The following FMNL1 variants were observed in gnomAD, a reference collection of about 807,000 sequenced individuals.
FMNL1 encodes the protein formin like 1.
In FMNL1, 43 loss-of-function variants were observed where a neutral mutation model predicts 121.3. That is an observed-to-expected ratio of 0.35 (90% confidence interval 0.28 to 0.46). FMNL1 has a LOEUF of 0.46. FMNL1 is among the 20% of genes least tolerant of loss of function. FMNL1 has a pLI of 1.00. For synonymous variants in FMNL1, 613 were observed against 613.5 expected (o/e 1.00, Z 0.01); for missense variants, 1,191 against 1,482.4 (o/e 0.80, Z 3.23).
chr17:45,242,361 A>G lies in FMNL1; in HGVS notation c.1906A>G (p.Ile636Val). 2.5e-6 allele frequency: 4 copies of G among 1,614,022 alleles called. No homozygotes were observed. The highest frequency in any genetic ancestry group is 3.4e-6 in the Non-Finnish European group (4 of 1,179,922). The change falls in exon 16 of 27, where the codon ATC (isoleucine) becomes GTC (valine). Residue 636 changes from isoleucine to valine, a missense_variant. Around this residue, in one of 4 missense-constraint regions of FMNL1, gnomAD observed 519 missense variants for 492.8 expected, o/e 1.05. Coordinates refer to ENST00000331495, the MANE Select transcript of FMNL1 (RefSeq NM_005892.4). ...CCCAGGAGTGAAGGCCAAGAAGCCC[A>G]TCCAGACTAAGTTCCGAATGCCACT... ...LGPGVKAKKPIQTKFRMPLLN... is the reference protein window; with the variant it reads ...LGPGVKAKKPVQTKFRMPLLN...
At chr17:45,246,135 G>C (rs781651599) in intron 24 of FMNL1, 75 bp from the exon 25 acceptor site, 1 of 1,553,318 alleles carries the variant, frequency 6.4e-7, no homozygotes, top group Non-Finnish European at 8.7e-7. Context: ...TCCTTGCTGT[G>C]GGGGACCAGG....
At chr17:45,227,680 C>T (rs997360904) in intron 1 of FMNL1, among the ~76,000 whole-genome samples, 26 of 152,174 alleles carry the variant, frequency 1.7e-4, no homozygotes, top group African/African-American at 6.3e-4. Context: ...TTCCATGGAC[C>T]CCTGCCCCTC....
chr17:45,241,931 C>T lies in FMNL1; in HGVS notation c.1670C>T (p.Ala557Val), dbSNP rs930323590. 4.3e-5 allele frequency: 59 copies of T among 1,372,600 alleles called. No homozygotes were observed. Among genetic ancestry groups the T allele is most frequent in the Non-Finnish European group, 5.2e-5 (56 of 1,072,024 alleles). 85.0% of individuals were successfully genotyped at this position (1,372,600 alleles called of 1,614,324 possible). The part of the protein sequence containing the change: ...PLPGLPSPQE[A>V]PPSAPPQAPP... Reference sequence around the variant, plus strand: ...CCCGGCCTCCCCTCCCCGCAGGAAGCCCCGCCCTCTGCGCCCCCACAGGCC... The same window carrying T: ...CCCGGCCTCCCCTCCCCGCAGGAAGTCCCGCCCTCTGCGCCCCCACAGGCC... Residue 557 changes from alanine (A) to valine (V), a missense_variant, in exon 15 of 27, where the codon GCC becomes GTC. Transcript: ENST00000331495. This position sits in a 1 kb window ranked among gnomAD's most constrained non-coding sequence, Gnocchi z 7.0.
chr17:45,245,670 C>T lies in FMNL1; in HGVS notation c.2931C>T (p.Asn977=). The T allele has an allele frequency of 6.2e-7, 1 of 1,614,134 alleles. No individual in the cohort carries two copies. The highest frequency in any genetic ancestry group is 8.5e-7 in the Non-Finnish European group (1 of 1,179,994). ...CTGTGGTGGAGTACTTCGGAGAGAA[C>T]CCCAAGACCACATCCCCAGGCCTGT... ...FESVVEYFGE[N]PKTTSPGLFF... is the part of the protein sequence containing the mutation. Residue 977 remains asparagine (N), a synonymous_variant, in exon 23 of 27, where the codon AAC becomes AAT. Transcript: ENST00000331495.
At chr17:45,234,378 G>A in intron 6 of FMNL1, 178 bp downstream of exon 6, 1 of 1,047,426 alleles carries the variant, frequency 9.5e-7, no homozygotes, top group Non-Finnish European at 1.4e-6. Flanking sequence ...AGCCATCAGG[G>A]GTGGGGCTGG....
chr17:45,240,730 T>C (rs2043670006), intron 12 of FMNL1, 105 bp downstream of exon 12: 4 of 1,446,154 alleles, frequency 2.8e-6, no homozygotes, highest in Non-Finnish European at 9.2e-7. Context: ...AGTGTTATAA[T>C]TGTGCATTGG....
At chr17:45,230,579 G>C (rs748906642) in intron 1 of FMNL1, 25 bp from the exon 2 acceptor site, 4 of 1,612,698 alleles carry the variant, frequency 2.5e-6, no homozygotes, top group Non-Finnish European at 3.4e-6. Flanking sequence ...CCAGGCTCAG[G>C]GGTCTTTGTC....
rs1344412017 is a variant in FMNL1 at position 45,233,800 on chromosome 17, C to A, written c.485+69C>A. On this transcript the variant is annotated intron_variant, in intron 5 of 26. Coordinates refer to ENST00000331495, the MANE Select transcript of FMNL1 (RefSeq NM_005892.4). The surrounding 1 kb of genome is among the most constrained non-coding windows in gnomAD (Gnocchi z 4.1). ...TGATCCCCGTCTCCCTGCATCTCACCCACTCCCCTGGCCAGTTTCAAGCCA... is the reference window on the plus strand; with the variant it reads ...TGATCCCCGTCTCCCTGCATCTCACACACTCCCCTGGCCAGTTTCAAGCCA... 26 of 1,583,254 alleles carry A rather than the reference C, an allele frequency of 1.6e-5. No homozygotes were observed. The highest frequency in any genetic ancestry group is 5.2e-5 in the Admixed American group (3 of 57,562).
Position 45,237,498 on chromosome 17 carries a change from G to A in FMNL1, c.801-48G>A, listed in dbSNP as rs372763331. 84 of 1,611,732 alleles carry A rather than the reference G, an allele frequency of 5.2e-5. No individual in the cohort carries two copies. The highest frequency in any genetic ancestry group is 6.7e-5 in the East Asian group (3 of 44,882). On this transcript the variant is annotated intron_variant, in intron 8 of 26. Transcript: ENST00000331495. The surrounding 1 kb of genome is among the most constrained non-coding windows in gnomAD (Gnocchi z 4.4). ...AGCCAGGCCTGTGCCCACCCTTGCC[G>A]CGGGTCCTGCCTGTTCTCAAGGGAC...
Position 45,237,218 on chromosome 17 carries a change from G to A in FMNL1, c.724-63G>A. The A allele has an allele frequency of 6.7e-7, 1 of 1,498,852 alleles. No homozygotes were observed. Among genetic ancestry groups the A allele is most frequent in the East Asian group, 2.3e-5 (1 of 44,172 alleles). 92.8% of individuals were successfully genotyped at this position (1,498,852 alleles called of 1,614,324 possible). A position where few individuals can be genotyped will look rare whatever the true frequency, so the allele number is the denominator to read the frequency against. On this transcript the variant is annotated intron_variant, in intron 7 of 26. Transcript: ENST00000331495. This position sits in a 1 kb window ranked among gnomAD's most constrained non-coding sequence, Gnocchi z 4.4. ...TCGAGGGCAGTTAAAGATCCACGTG[G>A]CGTGGGTGCCTGAAGTCCTGGGGGG...
At chr17:45,243,032 G>C in intron 16 of FMNL1, 86 bp from the exon 17 acceptor site, 1 of 1,465,464 alleles carries the variant, frequency 6.8e-7, no homozygotes, top group Non-Finnish European at 9.4e-7. Context: ...GTCAGGGCCA[G>C]ATGGATGGCT....
At position 45,237,385 on chromosome 17, in the gene FMNL1, C is replaced by A; in HGVS notation, c.800+28C>A. 6.2e-7 allele frequency: 1 copy of A among 1,613,660 alleles called. No individual in the cohort carries two copies. Among genetic ancestry groups the A allele is most frequent in the Non-Finnish European group, 8.5e-7 (1 of 1,179,568 alleles). ...GAGGTCCAGGCCCCAAACCTTTCTCCGTATCTAGAGTCTTCTCCTACTTAG... is the reference window on the plus strand; with the variant it reads ...GAGGTCCAGGCCCCAAACCTTTCTCAGTATCTAGAGTCTTCTCCTACTTAG... On this transcript the variant is annotated intron_variant, in intron 8 of 26. Coordinates refer to ENST00000331495, the MANE Select transcript of FMNL1 (RefSeq NM_005892.4). The surrounding 1 kb of genome is among the most constrained non-coding windows in gnomAD (Gnocchi z 4.4).
Position 45,240,560 on chromosome 17 carries a change from G to A in FMNL1, c.1165G>A (p.Glu389Lys). The A allele has an allele frequency of 6.2e-7, 1 of 1,613,974 alleles. No homozygotes were observed. The highest frequency in any genetic ancestry group is 2.2e-5 in the East Asian group (1 of 44,862). Residue 389 changes from glutamate to lysine, a missense_variant, in exon 12 of 27, where the codon GAG (glutamate) becomes AAG (lysine). Coordinates refer to ENST00000331495, the MANE Select transcript of FMNL1 (RefSeq NM_005892.4). The part of the protein sequence containing the change: ...DNIFDVGALL[E>K]DTETKNAVLE... The stretch of plus-strand genomic sequence containing the variant: ...TATTTTTGATGTGGGGGCGCTGCTG[G>A]AGGACACAGAGACCAAGAACGCTGT...
At position 45,241,940 on chromosome 17, in the gene FMNL1, C is replaced by G; in HGVS notation, c.1679C>G (p.Ser560Cys). 7.4e-7 allele frequency: 1 copy of G among 1,358,208 alleles called. No homozygotes were observed. Among genetic ancestry groups the G allele is most frequent in the Non-Finnish European group, 9.4e-7 (1 of 1,062,528 alleles). The allele number at this position is 1,358,208 out of a possible 1,614,324, so 84.1% of individuals were successfully genotyped here. The part of the protein sequence containing the change: ...GLPSPQEAPP[S>C]APPQAPPLPG... ...CCCTCCCCGCAGGAAGCCCCGCCCT[C>G]TGCGCCCCCACAGGCCCCGCCTCTC... The change falls in exon 15 of 27, where the codon TCT (serine) becomes TGT (cysteine). Residue 560 changes from serine (S) to cysteine (C), a missense_variant. Ser to Cys is a moderately radical substitution (Grantham distance 112, BLOSUM62 -1). Coordinates refer to ENST00000331495, the MANE Select transcript of FMNL1 (RefSeq NM_005892.4). The surrounding 1 kb of genome is among the most constrained non-coding windows in gnomAD (Gnocchi z 7.0).
In FMNL1 at chr17:45,246,489, C is replaced by G; in HGVS notation, c.3212-16C>G. ...TCCTTTCTCTACTCCCCTTCACCTGCCCCACCCCCACTCAGTGATCAAGAC... is the reference window on the plus strand; with the variant it reads ...TCCTTTCTCTACTCCCCTTCACCTGGCCCACCCCCACTCAGTGATCAAGAC... On this transcript the variant is annotated splice_polypyrimidine_tract_variant and intron_variant, in intron 25 of 26. Coordinates refer to ENST00000331495, the MANE Select transcript of FMNL1 (RefSeq NM_005892.4). 6.2e-7 allele frequency: 1 copy of G among 1,614,048 alleles called. No homozygotes were observed.
In FMNL1 at chr17:45,232,942, GCA is replaced by G. The variant is rs756052978; in HGVS notation, c.328-274_328-273del. The stretch of plus-strand genomic sequence containing the variant: ...GTTCATGTGCTGTGTGTGTGTGTGC[GCA>G]CACACACTCTGCCTCTTTGTGTGTG... On this transcript the variant is annotated intron_variant, in intron 3 of 26. Coordinates refer to ENST00000331495, the MANE Select transcript of FMNL1 (RefSeq NM_005892.4). The G allele has an allele frequency of 5.3e-6, 3 of 569,866 alleles. No homozygotes were observed. The Admixed American group carries it at 6.6e-5, about 12-fold the overall frequency. The allele number at this position is 569,866 out of a possible 1,614,324, so 35.3% of individuals were successfully genotyped here. A position where few individuals can be genotyped will look rare whatever the true frequency, so the allele number is the denominator to read the frequency against.
chr17:45,241,245 G>A lies in FMNL1; in HGVS notation c.1332+15G>A. The A allele has an allele frequency of 6.2e-7, 1 of 1,613,892 alleles. No individual in the cohort carries two copies. The highest frequency in any genetic ancestry group is 8.5e-7 in the Non-Finnish European group (1 of 1,179,940). On this transcript the variant is annotated intron_variant, in intron 13 of 26. Coordinates refer to ENST00000331495, the MANE Select transcript of FMNL1 (RefSeq NM_005892.4). This position sits in a 1 kb window ranked among gnomAD's most constrained non-coding sequence, Gnocchi z 7.0. ...AGACCCTGCGGGTGAGGCTGGGGCG[G>A]GTGGTAGGCCAGGCGCCCAAGAACA...
rs1342235192 is a variant in FMNL1 at position 45,233,614 on chromosome 17, T to G, written c.402-34T>G. 6.2e-7 allele frequency: 1 copy of G among 1,613,232 alleles called. No individual in the cohort carries two copies. Among genetic ancestry groups the G allele is most frequent in the Non-Finnish European group, 8.5e-7 (1 of 1,179,478 alleles). Reference sequence around the variant, plus strand: ...TGCCCATGTGGGGCAGGACCTCCTTTCTGGCTGGAGCTCAGGGAGCCCTGT... The same window carrying G: ...TGCCCATGTGGGGCAGGACCTCCTTGCTGGCTGGAGCTCAGGGAGCCCTGT... On this transcript the variant is annotated intron_variant, in intron 4 of 26. Transcript: ENST00000331495. The surrounding 1 kb of genome is among the most constrained non-coding windows in gnomAD (Gnocchi z 4.1).
In FMNL1 at chr17:45,243,855, T is replaced by G. The variant is rs771982074; in HGVS notation, c.2278T>G (p.Tyr760Asp). 5 of 1,613,766 alleles carry G rather than the reference T, an allele frequency of 3.1e-6. No individual in the cohort carries two copies. The South Asian group carries it at 3.3e-5, about 11-fold the overall frequency. ...ELLMRFLPTEYERSLITRFER... is the reference protein window; with the variant it reads ...ELLMRFLPTEDERSLITRFER... ...GCTGATGCGCTTCCTGCCCACAGAG[T>G]ATGAGCGCAGCCTCATCACCCGCTT... is the stretch of plus-strand genomic sequence containing the variant. The change falls in exon 18 of 27, where the codon TAT becomes GAT. Residue 760 changes from tyrosine (Y) to aspartate (D), a missense_variant. Physicochemically the swap from Tyr to Asp is radical, Grantham distance 160. This residue lies in a region of FMNL1 where 367 missense variants were observed against 528.6 expected (regional missense o/e 0.69). Coordinates refer to ENST00000331495, the MANE Select transcript of FMNL1 (RefSeq NM_005892.4).
Sources: allele counts gnomAD v4.1 joint callset (sites outside exome capture counted in the v4.1 genomes callset), GRCh38; gene constraint gnomAD v4.1.1; regional missense constraint gnomAD v4.1.1; non-coding constraint Gnocchi (gnomAD v3.1); transcripts MANE v1.5; gene names NCBI Gene and HGNC (gene_info 2026-07-23, HGNC 2026-07-21).